FIGN: variants seen among roughly 807,000 people sequenced by gnomAD.
FIGN encodes the protein fidgetin, microtubule severing factor.
A neutral mutation model predicts 51.3 loss-of-function variants in FIGN; 11 were observed. That is an observed-to-expected ratio of 0.21 (90% confidence interval 0.13 to 0.35). The LOEUF is 0.35. Among genes scored for constraint, FIGN ranks in the 10% least tolerant of loss-of-function variants. The pLI, the probability that FIGN is intolerant of heterozygous loss-of-function variation, is 1.00. For missense variants in FIGN, 857 were observed against 943.6 expected, an observed-to-expected ratio of 0.91 and a Z score of 1.20; for synonymous variants, 407 against 363.2, an observed-to-expected ratio of 1.12 and a Z score of -1.37.
intron 2 of FIGN, among the ~76,000 whole-genome samples, chr2:163,680,851 C>T (rs968098179): frequency 2.0e-5 from 3 of 150,940 alleles, no homozygotes; most frequent in African/African-American, 7.3e-5. Flanking sequence ...AGCTCCCTAA[C>T]AGAAAGAAAA....
At chr2:163,659,889 G>C (rs1191658583) in intron 2 of FIGN, among the ~76,000 whole-genome samples, 1 of 152,016 alleles carries the variant, frequency 6.6e-6, no homozygotes, top group Admixed American at 6.6e-5. Flanking sequence ...GATCACTTGA[G>C]GCCAGGAGTT....
intron 2 of FIGN, among the ~76,000 whole-genome samples, chr2:163,655,047 A>C (rs1683537909): frequency 6.6e-6 from 1 of 152,112 alleles, no homozygotes; most frequent in Non-Finnish European, 1.5e-5. Context: ...CCGTGTTAAA[A>C]ATGTGTGTTG....
intron 2 of FIGN, among the ~76,000 whole-genome samples, chr2:163,668,273 A>G (rs1683816505): frequency 1.3e-5 from 2 of 152,190 alleles, no homozygotes; most frequent in Non-Finnish European, 2.9e-5. Flanking sequence ...TTAAAAAAGA[A>G]GGGTCAAGCC....
chr2:163,664,397 T>G (rs1683740413), intron 2 of FIGN, among the ~76,000 whole-genome samples: 1 of 152,222 alleles, frequency 6.6e-6, no homozygotes, highest in Non-Finnish European at 1.5e-5. Flanking sequence ...TGAAAGGTTA[T>G]CTAAGATTCT....
At chr2:163,617,347 T>G (rs1224060501) in intron 2 of FIGN, 2 of 480,944 alleles carry the variant, frequency 4.2e-6, no homozygotes, top group East Asian at 3.0e-4. Context: ...AAAGATGAAC[T>G]ATGTACAAAG....
chr2:163,613,320 T>C (rs998850169), intron 2 of FIGN, among the ~76,000 whole-genome samples: 1 of 152,126 alleles, frequency 6.6e-6, no homozygotes, highest in Non-Finnish European at 1.5e-5. Context: ...TTGTGCCCTC[T>C]GGCAGAGATG....
intron 2 of FIGN, among the ~76,000 whole-genome samples, chr2:163,620,747 C>T (rs181215921): frequency 6.8e-4 from 104 of 152,132 alleles, no homozygotes; most frequent in African/African-American, 2.5e-3. Flanking sequence ...AAACATCTGG[C>T]ATGATACCAA....
intron 2 of FIGN, among the ~76,000 whole-genome samples, chr2:163,635,447 G>A (rs1009177977): frequency 6.6e-5 from 10 of 152,244 alleles, no homozygotes; most frequent in Admixed American, 1.3e-4. Flanking sequence ...GCGCATGCCT[G>A]CAGTCTCATT....
At chr2:163,704,656 T>TCTCTCACACA (rs72286438) in intron 2 of FIGN, among the ~76,000 whole-genome samples, 2 of 129,790 alleles carry the variant, frequency 1.5e-5, no homozygotes, top group African/African-American at 6.3e-5. Context: ...TCTCTCTCTC[T>TCTCTCACACA]CACACACACA....
intron 2 of FIGN, among the ~76,000 whole-genome samples, chr2:163,693,927 C>T (rs1684276368): frequency 6.6e-6 from 1 of 152,182 alleles, no homozygotes; most frequent in African/African-American, 2.4e-5. Flanking sequence ...TGTTCCGGAA[C>T]TTTAGAAATA....
intron 2 of FIGN, 106 bp downstream of exon 2, chr2:163,734,797 T>C (rs1684989909): frequency 4.7e-5 from 47 of 992,330 alleles, no homozygotes; most frequent in Non-Finnish European, 1.5e-6. Context: ...AGGAATTCTA[T>C]ATCATGAGCA....
Position 163,689,907 on chromosome 2 carries a change from C to T in FIGN, c.25+44996G>A, listed in dbSNP as rs910532271. On this transcript the variant is annotated intron_variant, in intron 2 of 2. Transcript: ENST00000333129. ...AATGAGCAGCAAATACTCTCTAAAA[C>T]CACAAGTGTAACTAGAATACTTGTA... Among the ~76,000 whole-genome samples, 44 of 152,106 alleles carry T rather than the reference C, an allele frequency of 2.9e-4. 1 individual carries two copies. Among genetic ancestry groups the T allele is most frequent in the Non-Finnish European group, 8.8e-5 (6 of 68,030 alleles).
chr2:163,676,012 A>C lies in FIGN; in HGVS notation c.25+58891T>G, dbSNP rs1246940625. 2.6e-5 allele frequency among the ~76,000 whole-genome samples: 4 copies of C among 151,696 alleles called. No individual in the cohort carries two copies. The East Asian group carries it at 7.7e-4, about 29-fold the overall frequency. On this transcript the variant is annotated intron_variant, in intron 2 of 2. Transcript: ENST00000333129. ...AAGCATGGCCTACAAGATCATTGTG[A>C]CTTCAGTATTTAGAAATGTAGTTGT...
At chr2:163,653,638 T>C (rs1683512079) in intron 2 of FIGN, among the ~76,000 whole-genome samples, 1 of 152,084 alleles carries the variant, frequency 6.6e-6, no homozygotes, top group South Asian at 2.1e-4. Context: ...CTAATGCTAA[T>C]GTTTTATATC....
At chr2:163,685,796 G>A (rs567037132) in intron 2 of FIGN, among the ~76,000 whole-genome samples, 48 of 152,292 alleles carry the variant, frequency 3.2e-4, no homozygotes, top group South Asian at 1.5e-3. Flanking sequence ...AGGTGTGCTC[G>A]CCAGTAAACT....
intron 2 of FIGN, among the ~76,000 whole-genome samples, chr2:163,677,672 T>G (rs1017565984): frequency 3.9e-5 from 6 of 152,246 alleles, no homozygotes; most frequent in Non-Finnish European, 2.9e-5. Flanking sequence ...TCTTTCAAAT[T>G]AAATTCTCTT....
chr2:163,709,204 T>C (rs1047467057), intron 2 of FIGN, among the ~76,000 whole-genome samples: 3 of 152,024 alleles, frequency 2.0e-5, no homozygotes, highest in Non-Finnish European at 4.4e-5. Context: ...CAGCCCAAAT[T>C]CAAACCCAGA....
In FIGN at chr2:163,610,927, G is replaced by T; in HGVS notation, c.905C>A (p.Pro302His). 4 of 1,613,934 alleles carry T rather than the reference G, an allele frequency of 2.5e-6. No individual in the cohort carries two copies. The highest frequency in any genetic ancestry group is 3.4e-6 in the Non-Finnish European group (4 of 1,180,000). ...GYTYQGHGLT[P>H]IAPSALTNSS... is the part of the protein sequence containing the mutation. ...GTTTGTCAGAGCCGACGGTGCAATA[G>T]GTGTCAAACCATGGCCCTGGTAGGT... The change falls in exon 3 of 3, where the codon CCT becomes CAT. Residue 302 changes from proline to histidine, a missense_variant. Pro to His is a moderately conservative substitution (Grantham distance 77). This residue lies in a region of FIGN where 799 missense variants were observed against 849.5 expected (regional missense o/e 0.94). Coordinates refer to ENST00000333129, the MANE Select transcript of FIGN (RefSeq NM_018086.4).
chr2:163,624,824 C>T (rs1573910804), intron 2 of FIGN, among the ~76,000 whole-genome samples: 2 of 151,396 alleles, frequency 1.3e-5, no homozygotes, highest in African/African-American at 4.9e-5. Flanking sequence ...GTTTAATAAA[C>T]CACTCTTTAG....
Sources: allele counts gnomAD v4.1 joint callset (sites outside exome capture counted in the v4.1 genomes callset), GRCh38; gene constraint gnomAD v4.1.1; regional missense constraint gnomAD v4.1.1; transcripts MANE v1.5; gene names NCBI Gene and HGNC (gene_info 2026-07-23, HGNC 2026-07-21).